The following ADAT2 variants were observed in gnomAD, a reference collection of about 807,000 sequenced individuals.
ADAT2 encodes the protein tRNA-specific adenosine-34 deaminase catalytic subunit ADAT2.
Under a neutral mutation model 25.9 loss-of-function variants are expected in ADAT2, and 26 were observed. The ratio of observed to expected loss-of-function variants is 1.00; its 90% confidence interval spans 0.74 to 1.39. The LOEUF (loss-of-function observed/expected upper bound fraction) is 1.39, where lower values mean the gene tolerates loss of function less well. Among genes scored for constraint, ADAT2 ranks in the 40% most tolerant of loss-of-function variants. The probability of loss-of-function intolerance (pLI) is 0.00; values close to 1 mark genes in which losing one functional copy is unlikely to be tolerated. For missense variants in ADAT2, 220 were observed against 244.8 expected (o/e 0.90, Z 0.68); for synonymous variants, 76 against 86.8 (o/e 0.88, Z 0.69).
intron 1 of ADAT2, among the ~76,000 whole-genome samples, chr6:143,448,648 TTTCA>T (rs1779664415): frequency 6.6e-6 from 1 of 152,038 alleles, no homozygotes; most frequent in Non-Finnish European, 1.5e-5. Flanking sequence ...TTAATTTGAA[TTTCA>T]TTAATAGTGA....
chr6:143,431,132 A>C (rs1173803807), intron 4 of ADAT2, among the ~76,000 whole-genome samples: 2 of 152,202 alleles, frequency 1.3e-5, no homozygotes, highest in African/African-American at 4.8e-5. Context: ...CCTTTAAAAA[A>C]ACCATAATTT....
At chr6:143,447,814 C>T (rs1356153525) in intron 1 of ADAT2, among the ~76,000 whole-genome samples, 1 of 152,098 alleles carries the variant, frequency 6.6e-6, no homozygotes, top group African/African-American at 2.4e-5. Flanking sequence ...TAAACTAGTT[C>T]AACCATTGTG....
Position 143,439,394 on chromosome 6 carries a change from A to T in ADAT2, c.97-700T>A, listed in dbSNP as rs183508234. Among the ~76,000 whole-genome samples, 515 of 152,046 alleles carry T rather than the reference A, an allele frequency of 3.4e-3. 4 individuals are homozygous for T. Among genetic ancestry groups the T allele is most frequent in the African/African-American group, 0.012 (488 of 41,488 alleles). ...AGAAAGAAAGTTTGAAAAAGAACCA[A>T]AACCTTGAAAAAGAATGTTAATAGC... On this transcript the variant is annotated intron_variant, in intron 1 of 5. Coordinates refer to ENST00000237283, the MANE Select transcript of ADAT2 (RefSeq NM_182503.3).
At position 143,425,059 on chromosome 6, in the gene ADAT2, G is replaced by T. The variant is rs1351475890; in HGVS notation, c.*3404C>A. On this transcript the variant is annotated 3_prime_UTR_variant, in exon 6 of 6. Transcript: ENST00000237283. The stretch of plus-strand genomic sequence containing the variant: ...AGGAACTTAACATCAACCAGCACCT[G>T]AATCTAATCACAAGAAAATATCAAA... 6.6e-6 allele frequency: 1 copy of T among 152,070 alleles called. No individual in the cohort carries two copies. Among genetic ancestry groups the T allele is most frequent in the Non-Finnish European group, 1.5e-5 (1 of 68,032 alleles). The allele number at this position is 152,070 out of a possible 1,614,324, so 9.4% of individuals were successfully genotyped here. A position where few individuals can be genotyped will look rare whatever the true frequency, so the allele number is the denominator to read the frequency against.
rs1276277364 is a variant in ADAT2, at chr6:143,423,705, A to G, written c.*4758T>C. The G allele has an allele frequency of 1.3e-5, 2 of 152,186 alleles. No homozygotes were observed. Among genetic ancestry groups the G allele is most frequent in the African/African-American group, 4.8e-5 (2 of 41,428 alleles). The allele number at this position is 152,186 out of a possible 1,614,324, so 9.4% of individuals were successfully genotyped here. On this transcript the variant is annotated 3_prime_UTR_variant, in exon 6 of 6. Coordinates refer to ENST00000237283, the MANE Select transcript of ADAT2 (RefSeq NM_182503.3). ...GTGATTAGGAAATTACTAAGAGGAG[A>G]TATCAAGAGTAGAGTTCTTGCAAAA... is the stretch of plus-strand genomic sequence containing the variant.
chr6:143,448,837 G>A (rs1254972565), intron 1 of ADAT2, among the ~76,000 whole-genome samples: 1 of 151,742 alleles, frequency 6.6e-6, no homozygotes, highest in Admixed American at 6.6e-5. Flanking sequence ...GAGAGACCCT[G>A]TCTAAACCAA....
chr6:143,431,430 G>C (rs1336928468), intron 4 of ADAT2, among the ~76,000 whole-genome samples: 1 of 152,200 alleles, frequency 6.6e-6, no homozygotes, highest in Non-Finnish European at 1.5e-5. Flanking sequence ...CATTTGCAAA[G>C]AGTTATGTAA....
Position 143,425,755 on chromosome 6 carries a change from G to GTGTGTGTGTGTA in ADAT2, c.*2707_*2708insTACACACACACA, listed in dbSNP as rs1020658572. The GTGTGTGTGTGTA allele has an allele frequency of 6.6e-6, 1 of 151,388 alleles. No individual in the cohort carries two copies. The highest frequency in any genetic ancestry group is 2.4e-5 in the African/African-American group (1 of 40,992). The allele number at this position is 151,388 out of a possible 1,614,324, so 9.4% of individuals were successfully genotyped here. A position where few individuals can be genotyped will look rare whatever the true frequency, so the allele number is the denominator to read the frequency against. On this transcript the variant is annotated 3_prime_UTR_variant, in exon 6 of 6. Transcript: ENST00000237283. ...TGTTTGTGTGTGTGTGTGTGTGTGT[G>GTGTGTGTGTGTA]TGTGTGTGTGTGTGTGTGTGTGTAT...
intron 2 of ADAT2, among the ~76,000 whole-genome samples, chr6:143,435,885 A>AC (rs1472352520): frequency 3.3e-5 from 5 of 152,200 alleles, no homozygotes; most frequent in Admixed American, 6.5e-5. Flanking sequence ...AGGTATGTGT[A>AC]CATGCTTCTG....
rs1047690632 is a variant in ADAT2, at chr6:143,445,027, C to A, written c.96+5536G>T. 1.3e-5 allele frequency: 15 copies of A among 1,135,986 alleles called. 2 individuals carry two copies. The highest frequency in any genetic ancestry group is 5.9e-5 in the East Asian group (1 of 16,946). 70.4% of individuals were successfully genotyped at this position (1,135,986 alleles called of 1,614,324 possible). A position where few individuals can be genotyped will look rare whatever the true frequency, so the allele number is the denominator to read the frequency against. ...AGTTAGCCAGAACTCTCAGGTAGAA[C>A]ATCATCCTGTCCAAAAGGCTAAACT... is the stretch of plus-strand genomic sequence containing the variant. On this transcript the variant is annotated intron_variant, in intron 1 of 5. Transcript: ENST00000237283.
At chr6:143,441,279 T>C (rs1779448698) in intron 1 of ADAT2, among the ~76,000 whole-genome samples, 1 of 152,202 alleles carries the variant, frequency 6.6e-6, no homozygotes, top group South Asian at 2.1e-4. Context: ...ACCACATCTC[T>C]GGCAACACTC....
In ADAT2 at chr6:143,428,237, T is replaced by A. The variant is rs186145080; in HGVS notation, c.*226A>T. 3.4e-6 allele frequency: 2 copies of A among 579,880 alleles called. No individual in the cohort carries two copies. The highest frequency in any genetic ancestry group is 5.8e-5 in the East Asian group (2 of 34,368). 35.9% of individuals were successfully genotyped at this position (579,880 alleles called of 1,614,324 possible). On this transcript the variant is annotated 3_prime_UTR_variant, in exon 6 of 6. Coordinates refer to ENST00000237283, the MANE Select transcript of ADAT2 (RefSeq NM_182503.3). The surrounding 1 kb of genome is among the most constrained non-coding windows in gnomAD (Gnocchi z 5.0). ...AACCTCAAACCTTAATTTTCCCCCA[T>A]CTTAAAATGGGAATCAGCTTCTGGA...
In ADAT2 at chr6:143,444,440, A is replaced by T. The variant is rs562483830; in HGVS notation, c.97-5746T>A. The T allele has an allele frequency of 6.6e-6, 1 of 152,316 alleles. No homozygotes were observed. The highest frequency in any genetic ancestry group is 1.9e-4 in the East Asian group (1 of 5,182). 9.4% of individuals were successfully genotyped at this position (152,316 alleles called of 1,614,324 possible). A position where few individuals can be genotyped will look rare whatever the true frequency, so the allele number is the denominator to read the frequency against. On this transcript the variant is annotated intron_variant, in intron 1 of 5. Transcript: ENST00000237283. This position sits in a 1 kb window ranked among gnomAD's most constrained non-coding sequence, Gnocchi z 4.3. ...TAACATGTAGATTTGCTTCACTAAC[A>T]AGTTCACAATAGATTTAATTAAGCT...
intron 4 of ADAT2, among the ~76,000 whole-genome samples, chr6:143,430,264 C>T (rs1022458723): frequency 3.3e-5 from 5 of 152,270 alleles, no homozygotes; most frequent in Non-Finnish European, 7.3e-5. Context: ...TCTCCTCTTA[C>T]GTGGGATGAG....
rs1490752931 is a variant in ADAT2 at position 143,444,356 on chromosome 6, C to T, written c.97-5662G>A. ...CTGGAATGGTAGGCAGGGGAGGGGG[C>T]GGTGAGAATAACACAAAGCCCCATG... On this transcript the variant is annotated intron_variant, in intron 1 of 5. Coordinates refer to ENST00000237283, the MANE Select transcript of ADAT2 (RefSeq NM_182503.3). This position sits in a 1 kb window ranked among gnomAD's most constrained non-coding sequence, Gnocchi z 4.3. Among the ~76,000 whole-genome samples, 14 of 152,074 alleles carry T rather than the reference C, an allele frequency of 9.2e-5. No homozygotes were observed. In the East Asian group the frequency reaches 1.5e-3, roughly 17 times the overall value.
chr6:143,441,451 G>C (rs1215869810), intron 1 of ADAT2: 2 of 152,326 alleles, frequency 1.3e-5, no homozygotes, highest in African/African-American at 4.8e-5. Flanking sequence ...TCTCCAGACT[G>C]TACAAGAAGT....
At chr6:143,449,344 A>T (rs1779688794) in intron 1 of ADAT2, among the ~76,000 whole-genome samples, 1 of 152,186 alleles carries the variant, frequency 6.6e-6, no homozygotes, top group Non-Finnish European at 1.5e-5. Flanking sequence ...GAGCCACTGC[A>T]TCTGGCCATG....
rs769198720 is a variant in ADAT2 at position 143,450,676 on chromosome 6, C to G, written c.-18G>C. 6.2e-7 allele frequency: 1 copy of G among 1,611,510 alleles called. No homozygotes were observed. Among genetic ancestry groups the G allele is most frequent in the South Asian group, 1.1e-5 (1 of 91,036 alleles). On this transcript the variant is annotated 5_prime_UTR_variant, in exon 1 of 6. Coordinates refer to ENST00000237283, the MANE Select transcript of ADAT2 (RefSeq NM_182503.3). The stretch of plus-strand genomic sequence containing the variant: ...GCCTCCATACCCAGCCACCACTCAG[C>G]TACAGAGCCCGCGGCAGAGGAGGAG...
chr6:143,428,246 G>C lies in ADAT2; in HGVS notation c.*217C>G. On this transcript the variant is annotated 3_prime_UTR_variant, in exon 6 of 6. Coordinates refer to ENST00000237283, the MANE Select transcript of ADAT2 (RefSeq NM_182503.3). This position sits in a 1 kb window ranked among gnomAD's most constrained non-coding sequence, Gnocchi z 5.0. ...CCTTAATTTTCCCCCATCTTAAAAT[G>C]GGAATCAGCTTCTGGAAAAGCTAAT... is the stretch of plus-strand genomic sequence containing the variant. 2 of 588,112 alleles carry C rather than the reference G, an allele frequency of 3.4e-6. No homozygotes were observed. The highest frequency in any genetic ancestry group is 5.9e-6 in the Non-Finnish European group (2 of 337,644). The allele number at this position is 588,112 out of a possible 1,614,324, so 36.4% of individuals were successfully genotyped here. A position where few individuals can be genotyped will look rare whatever the true frequency, so the allele number is the denominator to read the frequency against.
Sources: allele counts gnomAD v4.1 joint callset (sites outside exome capture counted in the v4.1 genomes callset), GRCh38; gene constraint gnomAD v4.1.1; non-coding constraint Gnocchi (gnomAD v3.1); transcripts MANE v1.5; gene names NCBI Gene and HGNC (gene_info 2026-07-23, HGNC 2026-07-21).